Variants in NRG1 observed in about 807,000 individuals in gnomAD.
NRG1 encodes the protein neuregulin 1.
NRG1 carries 18 observed loss-of-function variants against 63.8 expected under a neutral mutation model. The observed-to-expected ratio is 0.28, with a 90% confidence interval of 0.19 to 0.42. The LOEUF is 0.42. Ranked by LOEUF, NRG1 falls within the 10% of genes least tolerant of loss-of-function variation. NRG1 has a pLI of 1.00. For synonymous variants in NRG1, 302 were observed against 301.3 expected, an observed-to-expected ratio of 1.00 and a Z score of -0.02; for missense variants, 762 against 814.7, an observed-to-expected ratio of 0.94 and a Z score of 0.79.
chr8:32,767,168 A>C (rs549640742), exon 12 of NRG1: 1 of 152,304 alleles, frequency 6.6e-6, no homozygotes, highest in Admixed American at 6.5e-5. Context: ...TTTGCCCCCA[A>C]GAGTGCCTGG....
chr8:32,177,407 G>C (rs576064024), intron 1 of NRG1, among the ~76,000 whole-genome samples: 1 of 151,872 alleles, frequency 6.6e-6, no homozygotes, highest in African/African-American at 2.4e-5. Context: ...GCAGCACACC[G>C]ACATGGCACA....
At chr8:32,179,860 G>A (rs933075697) in intron 1 of NRG1, among the ~76,000 whole-genome samples, 4 of 151,976 alleles carry the variant, frequency 2.6e-5, no homozygotes, top group East Asian at 1.9e-4. Flanking sequence ...GCATTTAATC[G>A]GAGCATCTTT....
intron 1 of NRG1, among the ~76,000 whole-genome samples, chr8:32,407,017 C>A (rs1322572773): frequency 6.6e-6 from 1 of 151,670 alleles, no homozygotes; most frequent in Non-Finnish European, 1.5e-5. Context: ...TGGGATTCAG[C>A]TTTAGCCCTG....
At chr8:32,750,937 G>A (rs1181652875) in intron 7 of NRG1, 1 of 151,974 alleles carries the variant, frequency 6.6e-6, no homozygotes, top group Non-Finnish European at 1.5e-5. Context: ...ATGGATTATT[G>A]GCCTATCCTG....
At position 31,640,573 on chromosome 8, in the gene NRG1, G is replaced by A. The variant is rs1048175640; in HGVS notation, c.37+1142G>A. 6.2e-7 allele frequency: 1 copy of A among 1,611,898 alleles called. No individual in the cohort carries two copies. The highest frequency in any genetic ancestry group is 8.5e-7 in the Non-Finnish European group (1 of 1,179,454). ...GGGCCACCCCGCCTTCCCCTCCTGC[G>A]GGAGGCTCAAGGAGGACAGCAGGTA... is the stretch of plus-strand genomic sequence containing the variant. On this transcript the variant is annotated intron_variant, in intron 1 of 10. Transcript: ENST00000519301. This position sits in a 1 kb window ranked among gnomAD's most constrained non-coding sequence, Gnocchi z 6.3.
At chr8:31,940,468 C>G (rs892470721) in intron 1 of NRG1, among the ~76,000 whole-genome samples, 2 of 151,628 alleles carry the variant, frequency 1.3e-5, no homozygotes, top group Non-Finnish European at 2.9e-5. Context: ...CACAAATAGA[C>G]AATCTAAGGT....
At chr8:31,650,241 G>A (rs1804699930) in intron 1 of NRG1, among the ~76,000 whole-genome samples, 1 of 152,192 alleles carries the variant, frequency 6.6e-6, no homozygotes, top group African/African-American at 2.4e-5. Flanking sequence ...GCCTCCCAAA[G>A]TGCTGGGATT....
chr8:32,197,298 C>T (rs1843058641), intron 1 of NRG1, among the ~76,000 whole-genome samples: 1 of 152,066 alleles, frequency 6.6e-6, no homozygotes, highest in South Asian at 2.1e-4. Context: ...AACATCACAG[C>T]CTTCTGTGCA....
intron 1 of NRG1, among the ~76,000 whole-genome samples, chr8:31,920,142 T>C (rs1466218992): frequency 1.3e-5 from 2 of 152,100 alleles, no homozygotes; most frequent in Admixed American, 6.6e-5. Flanking sequence ...ATTGTTGAGG[T>C]GGCATGGAAA....
chr8:31,693,843 A>G (rs1237761830), intron 1 of NRG1, among the ~76,000 whole-genome samples: 2 of 151,942 alleles, frequency 1.3e-5, no homozygotes, highest in South Asian at 2.1e-4. Flanking sequence ...TCTTTTTATT[A>G]CTGTTATTAT....
At chr8:32,426,502 A>G (rs1208824664) in intron 1 of NRG1, among the ~76,000 whole-genome samples, 1 of 152,192 alleles carries the variant, frequency 6.6e-6, no homozygotes. Flanking sequence ...GCCTACTGTA[A>G]TGTATAAAAC....
chr8:32,494,053 T>C (rs895757600), intron 1 of NRG1, among the ~76,000 whole-genome samples: 2 of 152,230 alleles, frequency 1.3e-5, no homozygotes, highest in Admixed American at 6.5e-5. Context: ...GCTTGTTTGT[T>C]TGTAACAAAT....
intron 5 of NRG1, among the ~76,000 whole-genome samples, chr8:32,618,248 T>A (rs993174340): frequency 1.3e-5 from 2 of 152,180 alleles, no homozygotes; most frequent in African/African-American, 4.8e-5. Context: ...ACTAGGTTTT[T>A]CTTTTTTGGC....
chr8:32,179,078 A>G (rs908455944), intron 1 of NRG1, among the ~76,000 whole-genome samples: 51 of 151,142 alleles, frequency 3.4e-4, no homozygotes, highest in Non-Finnish European at 4.9e-4. Flanking sequence ...CTCAAAAGCA[A>G]GGGTGTAGGA....
chr8:31,710,263 C>T lies in NRG1; in HGVS notation c.37+70832C>T, dbSNP rs547850316. ...ATGTATCATATTAAGAGTATGTTTTCGCTGTTATTTCTAGAATTTGCCTAT... is the reference window on the plus strand; with the variant it reads ...ATGTATCATATTAAGAGTATGTTTTTGCTGTTATTTCTAGAATTTGCCTAT... On this transcript the variant is annotated intron_variant, in intron 1 of 10. Transcript: ENST00000519301. Among the ~76,000 whole-genome samples the T allele has an allele frequency of 1.4e-4, 21 of 151,786 alleles. 1 individual carries two copies. In the South Asian group the frequency reaches 2.9e-3, roughly 21 times the overall value.
intron 1 of NRG1, among the ~76,000 whole-genome samples, chr8:31,671,501 G>A (rs931888528): frequency 1.3e-5 from 2 of 152,068 alleles, no homozygotes; most frequent in Admixed American, 6.6e-5. Flanking sequence ...GAACAGGTTT[G>A]TTTCTAAAGG....
intron 5 of NRG1, among the ~76,000 whole-genome samples, chr8:32,667,060 T>A (rs1170909691): frequency 1.3e-5 from 2 of 152,306 alleles, no homozygotes; most frequent in Middle Eastern, 3.4e-3. Flanking sequence ...TGTACGAACA[T>A]CATAGAGTGA....
chr8:32,284,186 G>A (rs562231713), intron 1 of NRG1, among the ~76,000 whole-genome samples: 2 of 152,126 alleles, frequency 1.3e-5, no homozygotes, highest in African/African-American at 4.8e-5. Context: ...TGCAAAGTCA[G>A]TTTAGAGAGA....
At chr8:32,426,508 A>C (rs1817390678) in intron 1 of NRG1, among the ~76,000 whole-genome samples, 3 of 152,210 alleles carry the variant, frequency 2.0e-5, no homozygotes, top group African/African-American at 7.2e-5. Flanking sequence ...TGTAATGTAT[A>C]AAACAAAAGA....
Sources: gnomAD v4.1 joint callset for allele counts (sites outside exome capture counted in the v4.1 genomes callset) on GRCh38, gnomAD v4.1.1 for gene constraint, Gnocchi (gnomAD v3.1) non-coding constraint, MANE v1.5 for transcripts, NCBI Gene and HGNC (gene_info 2026-07-23, HGNC 2026-07-21) for gene names.